ZC3H12B: variants seen among roughly 807,000 people sequenced by gnomAD.
ZC3H12B encodes zinc finger CCCH-type containing 12B.
Under a neutral mutation model 43.9 loss-of-function variants are expected in ZC3H12B, and 7 were observed. That is an observed-to-expected ratio of 0.16 (90% confidence interval 0.09 to 0.30). The LOEUF (loss-of-function observed/expected upper bound fraction) is 0.30. Ranked by LOEUF, ZC3H12B falls within the 10% of genes least tolerant of loss-of-function variation. The pLI is 1.00. For synonymous variants in ZC3H12B, 222 were observed against 241.7 expected, an observed-to-expected ratio of 0.92 and a Z score of 0.76; for missense variants, 475 against 670.2, an observed-to-expected ratio of 0.71 and a Z score of 3.22.
intron 2 of ZC3H12B, among the ~76,000 whole-genome samples, chrX:65,383,872 G>A (rs1213066142): frequency 9.4e-6 from 1 of 106,883 alleles, no homozygotes; most frequent in Non-Finnish European, 1.9e-5. Flanking sequence ...GGAAACAACA[G>A]GTGCTGGAGA....
At chrX:65,152,786 G>C in the ZC3H12B span, among the ~76,000 whole-genome samples, 13 of 111,792 alleles carry the variant, frequency 1.2e-4, no homozygotes, top group African/African-American at 3.9e-4. Context: ...TCAATCCTAA[G>C]CCAAAGGAAC....
the ZC3H12B span, among the ~76,000 whole-genome samples, chrX:65,049,619 T>C: frequency 9.0e-6 from 1 of 111,684 alleles, no homozygotes; most frequent in South Asian, 3.7e-4. Flanking sequence ...TCTCCAACTT[T>C]GTTGCTCTTT....
chrX:65,263,795 G>A, the ZC3H12B span, among the ~76,000 whole-genome samples: 1 of 110,935 alleles, frequency 9.0e-6, no homozygotes, highest in East Asian at 2.8e-4. Context: ...ATTCAATCCA[G>A]AAATCTTACT....
At chrX:65,177,672 C>A in the ZC3H12B span, among the ~76,000 whole-genome samples, 1 of 111,618 alleles carries the variant, frequency 9.0e-6, no homozygotes, top group African/African-American at 3.3e-5. Flanking sequence ...ATGCCAATCA[C>A]AATTGTGACA....
the ZC3H12B span, among the ~76,000 whole-genome samples, chrX:65,145,677 G>T: frequency 9.0e-6 from 1 of 111,455 alleles, no homozygotes; most frequent in Admixed American, 9.6e-5. Flanking sequence ...GTGCTGGTTT[G>T]GTAGTGCTGA....
chrX:65,162,921 A>G, the ZC3H12B span, among the ~76,000 whole-genome samples: 2 of 111,408 alleles, frequency 1.8e-5, no homozygotes, highest in Admixed American at 9.6e-5. Flanking sequence ...TTCTTTGATG[A>G]TGGTGATGCA....
the ZC3H12B span, among the ~76,000 whole-genome samples, chrX:65,177,850 A>G: frequency 8.9e-6 from 1 of 112,504 alleles, no homozygotes; most frequent in African/African-American, 3.2e-5. Flanking sequence ...CCATAGTGCC[A>G]AAAGTAATTT....
At chrX:65,107,704 T>C in the ZC3H12B span, among the ~76,000 whole-genome samples, 2 of 111,001 alleles carry the variant, frequency 1.8e-5, no homozygotes, top group Non-Finnish European at 3.8e-5. Context: ...CTGATGGTTT[T>C]ATAAGGGGCT....
At chrX:65,493,881 TATTC>T (rs2068241219) in intron 1 of ZC3H12B, among the ~76,000 whole-genome samples, 1 of 111,815 alleles carries the variant, frequency 8.9e-6, no homozygotes, top group Admixed American at 9.5e-5. Flanking sequence ...CAAAAAAAAT[TATTC>T]ATTCCTTAAA....
chrX:65,351,055 C>T, the ZC3H12B span, among the ~76,000 whole-genome samples: 1 of 111,774 alleles, frequency 8.9e-6, no homozygotes, highest in African/African-American at 3.3e-5. Flanking sequence ...AGGCATCATG[C>T]TACCTGACTT....
At chrX:65,117,119 C>A in the ZC3H12B span, among the ~76,000 whole-genome samples, 2 of 111,921 alleles carry the variant, frequency 1.8e-5, no homozygotes, top group African/African-American at 6.5e-5. Context: ...GTTCTAGATC[C>A]TTGAGGAATT....
the ZC3H12B span, among the ~76,000 whole-genome samples, chrX:65,305,695 C>T: frequency 3.6e-5 from 4 of 111,474 alleles, no homozygotes; most frequent in Non-Finnish European, 5.7e-5. Flanking sequence ...GTTCATTTTC[C>T]CAATTGGATT....
the ZC3H12B span, among the ~76,000 whole-genome samples, chrX:65,086,555 G>A: frequency 9.0e-6 from 1 of 111,379 alleles, no homozygotes; most frequent in African/African-American, 3.3e-5. Flanking sequence ...GGGGCCTTTA[G>A]GAGGTTATTA....
intron 1 of ZC3H12B, 47 bp from the exon 7 acceptor site, chrX:65,497,085 G>T: frequency 8.9e-7 from 1 of 1,126,254 alleles, no homozygotes; most frequent in Non-Finnish European, 1.2e-6. Context: ...ATATTTCTTT[G>T]CTATCTATTA....
chrX:65,405,967 A>T (rs767120064), intron 3 of ZC3H12B, among the ~76,000 whole-genome samples: 7 of 111,645 alleles, frequency 6.3e-5, no homozygotes, highest in Non-Finnish European at 1.1e-4. Flanking sequence ...ACCTGAACAG[A>T]CCAATAACAA....
chrX:65,191,768 T>G, the ZC3H12B span, among the ~76,000 whole-genome samples: 1 of 109,856 alleles, frequency 9.1e-6, no homozygotes, highest in African/African-American at 3.4e-5. Flanking sequence ...GATTCATTGG[T>G]TTTTTGAAGG....
intron 3 of ZC3H12B, among the ~76,000 whole-genome samples, chrX:65,414,273 A>AG (rs946980257): frequency 2.8e-5 from 3 of 107,984 alleles, no homozygotes; most frequent in Non-Finnish European, 5.8e-5. Flanking sequence ...TTTTTTTTTG[A>AG]GGGGGGGAAG....
chrX:65,148,771 G>A, the ZC3H12B span, among the ~76,000 whole-genome samples: 1 of 111,783 alleles, frequency 8.9e-6, no homozygotes, highest in African/African-American at 3.3e-5. Context: ...ACACCCAGAT[G>A]TTCTAATGTC....
the ZC3H12B span, among the ~76,000 whole-genome samples, chrX:65,080,898 T>C: frequency 9.0e-6 from 1 of 111,171 alleles, no homozygotes; most frequent in Non-Finnish European, 1.9e-5. Context: ...GATGAATCAA[T>C]CATAAATAAT....
Sources: gnomAD v4.1 joint callset for allele counts (sites outside exome capture counted in the v4.1 genomes callset) on GRCh38, gnomAD v4.1.1 for gene constraint, MANE v1.5 for transcripts, NCBI Gene and HGNC (gene_info 2026-07-23, HGNC 2026-07-21) for gene names.